The following GRIA1 variants were observed in gnomAD, a reference collection of about 807,000 sequenced individuals.
The protein encoded by GRIA1 is glutamate receptor 1.
In GRIA1, 31 loss-of-function variants were observed where a neutral mutation model predicts 99.2. That is an observed-to-expected ratio of 0.31 (90% CI 0.23 to 0.42). The LOEUF (loss-of-function observed/expected upper bound fraction) is 0.42. Among genes scored for constraint, GRIA1 ranks in the 10% least tolerant of loss-of-function variants. The pLI, the probability that GRIA1 is intolerant of heterozygous loss-of-function variation, is 1.00. For synonymous variants in GRIA1, 438 were observed against 432.4 expected (o/e 1.01, Z -0.16); for missense variants, 782 against 1,157.5 (o/e 0.68, Z 4.71).
intron 2 of GRIA1, among the ~76,000 whole-genome samples, chr5:153,607,505 A>T (rs1000745624): frequency 6.6e-6 from 1 of 151,920 alleles, no homozygotes; most frequent in Non-Finnish European, 1.5e-5. Flanking sequence ...AGACTTAACC[A>T]CATCACTATT....
intron 11 of GRIA1, among the ~76,000 whole-genome samples, chr5:153,715,149 A>T (rs1581523998): frequency 6.6e-6 from 1 of 152,154 alleles, no homozygotes; most frequent in Non-Finnish European, 1.5e-5. Context: ...CCTCTGCAAA[A>T]TGGAAGTAAG....
intron 2 of GRIA1, among the ~76,000 whole-genome samples, chr5:153,566,303 C>CATTTTTTTTTTTTTTTT (rs1334990460): frequency 2.3e-4 from 1 of 4,432 alleles, no homozygotes; most frequent in Non-Finnish European, 7.0e-4. Context: ...CAATTCCCTG[C>CATTTTTTTTTTTTTTTT]CTTTTTTTTT....
At chr5:153,679,622 C>T (rs555932999) in intron 7 of GRIA1, among the ~76,000 whole-genome samples, 1 of 152,338 alleles carries the variant, frequency 6.6e-6, no homozygotes, top group Admixed American at 6.5e-5. Context: ...ATAGTCAGGA[C>T]TACTCTTCAG....
intron 2 of GRIA1, among the ~76,000 whole-genome samples, chr5:153,535,851 C>T (rs1758519280): frequency 6.6e-6 from 1 of 152,192 alleles, no homozygotes; most frequent in African/African-American, 2.4e-5. Context: ...CTTTGATCTG[C>T]CACCAAGTTC....
chr5:153,809,496 A>G (rs200466147), intron 15 of GRIA1, among the ~76,000 whole-genome samples: 2 of 152,316 alleles, frequency 1.3e-5, no homozygotes, highest in East Asian at 1.9e-4. Context: ...ATAGCAGGGG[A>G]AAAAAATGGG....
chr5:153,777,159 G>A (rs2964016), intron 13 of GRIA1, among the ~76,000 whole-genome samples: 89,915 of 151,974 alleles, frequency 0.59, 27,305 homozygotes, highest in East Asian at 0.94. Context: ...ATCCAGGAAT[G>A]TGCAATTTGA....
At chr5:153,772,284 G>A (rs1763932142) in intron 13 of GRIA1, among the ~76,000 whole-genome samples, 1 of 151,528 alleles carries the variant, frequency 6.6e-6, no homozygotes, top group Non-Finnish European at 1.5e-5. Flanking sequence ...CAGTTTGACA[G>A]ATTAATAGGA....
At chr5:153,523,016 A>ATCTC (rs61177262) in intron 2 of GRIA1, among the ~76,000 whole-genome samples, 59,153 of 141,344 alleles carry the variant, frequency 0.42, 13,201 homozygotes, top group Non-Finnish European at 0.51. Context: ...TGTTCCTGAT[A>ATCTC]TCTCTCTCTC....
At chr5:153,781,976 A>G (rs1433265048) in intron 13 of GRIA1, among the ~76,000 whole-genome samples, 19 of 152,164 alleles carry the variant, frequency 1.2e-4, no homozygotes, top group Non-Finnish European at 1.3e-4. Flanking sequence ...GCCAGGGGTA[A>G]AACCTATGTG....
At chr5:153,515,064 T>A (rs1462979697) in intron 2 of GRIA1, among the ~76,000 whole-genome samples, 1 of 152,118 alleles carries the variant, frequency 6.6e-6, no homozygotes, top group Non-Finnish European at 1.5e-5. Flanking sequence ...TCTCAAAAAA[T>A]TAAAAGCAGA....
intron 8 of GRIA1, 33 bp from the exon 9 acceptor site, chr5:153,698,011 C>T (rs1405612434): frequency 8.1e-7 from 1 of 1,234,466 alleles, no homozygotes; most frequent in Admixed American, 1.7e-5. Flanking sequence ...GAGGCTGGCC[C>T]ACCTGACACC....
chr5:153,499,742 C>T (rs1269971765), intron 2 of GRIA1, among the ~76,000 whole-genome samples: 1 of 151,586 alleles, frequency 6.6e-6, no homozygotes, highest in African/African-American at 2.4e-5. Context: ...GCTAAGTCTT[C>T]CAAGGCAGAA....
chr5:153,701,237 C>T (rs1758494379), intron 10 of GRIA1, among the ~76,000 whole-genome samples: 1 of 152,150 alleles, frequency 6.6e-6, no homozygotes, highest in Non-Finnish European at 1.5e-5. Context: ...AGGGCTCAGG[C>T]CAGCTGGAGT....
chr5:153,706,108 T>TTTTGTGTGTTTG (rs1554116499), intron 11 of GRIA1, 41 bp downstream of exon 11: 2 of 1,348,898 alleles, frequency 1.5e-6, no homozygotes, highest in East Asian at 2.3e-5. Context: ...AATGCTATGG[T>TTTTGTGTGTTTG]TTTGTTTGTT....
rs969742412 is a variant in GRIA1, at chr5:153,685,057, GA to G, written c.1030-1161del. Among the ~76,000 whole-genome samples the G allele has an allele frequency of 5.9e-5, 9 of 152,224 alleles. 2 individuals carry two copies. The highest frequency in any genetic ancestry group is 2.2e-4 in the African/African-American group (9 of 41,550). On this transcript the variant is annotated intron_variant, in intron 7 of 15. Transcript: ENST00000285900. ...ACAACAGAGGAGCTAGCCACTGTCA[GA>G]AAAAAATATAAAACTCTGCAAAGCT...
chr5:153,793,416 C>T (rs1003905795), intron 13 of GRIA1, among the ~76,000 whole-genome samples: 4 of 152,198 alleles, frequency 2.6e-5, no homozygotes, highest in Non-Finnish European at 5.9e-5. Context: ...GTTAAGTAAA[C>T]ACTGGGCCTC....
At chr5:153,565,385 C>T (rs1202731414) in intron 2 of GRIA1, among the ~76,000 whole-genome samples, 4 of 152,144 alleles carry the variant, frequency 2.6e-5, no homozygotes, top group African/African-American at 9.7e-5. Context: ...GCAATTGTCA[C>T]CTTTCCCAAA....
intron 3 of GRIA1, among the ~76,000 whole-genome samples, chr5:153,649,031 A>C (rs191824296): frequency 3.9e-5 from 6 of 152,208 alleles, no homozygotes; most frequent in African/African-American, 1.4e-4. Flanking sequence ...AGTTGGAGTC[A>C]GAAGAGTCAG....
At chr5:153,683,539 C>G (rs796254415) in intron 7 of GRIA1, among the ~76,000 whole-genome samples, 1 of 152,164 alleles carries the variant, frequency 6.6e-6, no homozygotes, top group African/African-American at 2.4e-5. Flanking sequence ...GTGAGATCAC[C>G]GTGACAGTGC....
Sources: gnomAD v4.1 joint callset for allele counts (sites outside exome capture counted in the v4.1 genomes callset) on GRCh38, gnomAD v4.1.1 for gene constraint, MANE v1.5 for transcripts, NCBI Gene and HGNC (gene_info 2026-07-23, HGNC 2026-07-21) for gene names.